SCLT1: variants seen among roughly 807,000 people sequenced by gnomAD.
SCLT1 encodes the protein sodium channel and clathrin linker 1.
A neutral mutation model predicts 112.8 loss-of-function variants in SCLT1; 78 were observed. The ratio of observed to expected loss-of-function variants is 0.69; its 90% CI spans 0.58 to 0.83. SCLT1 has a LOEUF of 0.83. Among genes scored for constraint, SCLT1 ranks in the 40% least tolerant of loss-of-function variants. The probability of loss-of-function intolerance (pLI) is 0.00; values close to 1 mark genes in which losing one functional copy is unlikely to be tolerated. For missense variants in SCLT1, 747 were observed against 770.4 expected, an observed-to-expected ratio of 0.97 and a Z score of 0.36; for synonymous variants, 257 against 254.7, an observed-to-expected ratio of 1.01 and a Z score of -0.09.
chr4:128,921,241 G>C (rs1735855934), intron 18 of SCLT1, among the ~76,000 whole-genome samples: 1 of 152,170 alleles, frequency 6.6e-6, no homozygotes, highest in Non-Finnish European at 1.5e-5. Context: ...GCAATTTACA[G>C]ATTCAGTGCT....
intron 12 of SCLT1, among the ~76,000 whole-genome samples, chr4:128,958,747 C>T (rs1334999628): frequency 6.6e-6 from 1 of 152,094 alleles, no homozygotes; most frequent in African/African-American, 2.4e-5. Flanking sequence ...ATTCAGATCA[C>T]AGATGAAAAT....
intron 18 of SCLT1, among the ~76,000 whole-genome samples, chr4:128,920,859 A>T (rs573175373): frequency 1.3e-5 from 2 of 152,336 alleles, no homozygotes; most frequent in South Asian, 2.1e-4. Context: ...ATAGGTAGAG[A>T]GGAAGTCAAA....
chr4:129,044,179 A>AG, intron 2 of SCLT1, 128 bp from the exon 3 acceptor site: 1 of 516,536 alleles, frequency 1.9e-6, no homozygotes, highest in Non-Finnish European at 3.5e-6. Flanking sequence ...TCAAAATGAG[A>AG]GAAAAAAATA....
chr4:128,904,432 TTA>T (rs1734542743), intron 18 of SCLT1, among the ~76,000 whole-genome samples: 1 of 152,154 alleles, frequency 6.6e-6, no homozygotes, highest in Admixed American at 6.5e-5. Context: ...ATGAAGCAAT[TTA>T]TGTTGTATGT....
At chr4:129,035,951 A>G (rs1397277084) in intron 5 of SCLT1, among the ~76,000 whole-genome samples, 1 of 152,046 alleles carries the variant, frequency 6.6e-6, no homozygotes, top group Non-Finnish European at 1.5e-5. Flanking sequence ...AAATGTAAGT[A>G]TTAAAATTTT....
intron 2 of SCLT1, among the ~76,000 whole-genome samples, chr4:129,078,389 A>G (rs1751643881): frequency 6.6e-6 from 1 of 152,168 alleles, no homozygotes; most frequent in Admixed American, 6.6e-5. Flanking sequence ...CTTTAAAATA[A>G]AAATTTTTTT....
intron 18 of SCLT1, among the ~76,000 whole-genome samples, chr4:128,927,286 G>T (rs1412680532): frequency 2.6e-5 from 4 of 151,934 alleles, no homozygotes; most frequent in Non-Finnish European, 5.9e-5. Context: ...ATAAATATTA[G>T]AAAATAATTT....
intron 9 of SCLT1, among the ~76,000 whole-genome samples, chr4:128,979,432 C>T (rs559832142): frequency 6.6e-5 from 10 of 152,244 alleles, no homozygotes; most frequent in Middle Eastern, 3.4e-3. Flanking sequence ...CCTTTTACTT[C>T]GTGAAGACAA....
At chr4:129,078,570 A>G (rs928919455) in intron 2 of SCLT1, among the ~76,000 whole-genome samples, 5 of 152,038 alleles carry the variant, frequency 3.3e-5, no homozygotes, top group Non-Finnish European at 7.4e-5. Context: ...TAATATGGTT[A>G]TAACAGCAAA....
chr4:129,039,360 G>T (rs750493671), intron 4 of SCLT1: 11 of 317,194 alleles, frequency 3.5e-5, no homozygotes, highest in African/African-American at 2.4e-4. Flanking sequence ...TAATTCCTAT[G>T]ACTTGTAGTT....
At position 128,915,182 on chromosome 4, in the gene SCLT1, C is replaced by T. The variant is rs117330900; in HGVS notation, c.1829+21473G>A. Among the ~76,000 whole-genome samples, 40 of 152,196 alleles carry T rather than the reference C, an allele frequency of 2.6e-4. No homozygotes were observed. In the East Asian group the frequency reaches 5.4e-3, roughly 21 times the overall value. ...AATAGTTATGTTCATATATAGATAC[C>T]GATTCAACATACTCTGCCAATAATT... is the stretch of plus-strand genomic sequence containing the variant. On this transcript the variant is annotated intron_variant, in intron 18 of 20. Coordinates refer to ENST00000281142, the MANE Select transcript of SCLT1 (RefSeq NM_144643.4).
At chr4:129,018,758 A>AT (rs924042285) in intron 5 of SCLT1, among the ~76,000 whole-genome samples, 5 of 152,128 alleles carry the variant, frequency 3.3e-5, no homozygotes, top group African/African-American at 1.2e-4. Flanking sequence ...TAAAGTATGT[A>AT]TTTTTTATGA....
chr4:128,942,422 G>A (rs1009015475), intron 17 of SCLT1, among the ~76,000 whole-genome samples: 4 of 152,108 alleles, frequency 2.6e-5, no homozygotes, highest in Non-Finnish European at 1.5e-5. Context: ...AGATGTTGAT[G>A]AAGATTGTGT....
At chr4:128,963,875 T>A (rs1029271777) in intron 11 of SCLT1, among the ~76,000 whole-genome samples, 1 of 152,192 alleles carries the variant, frequency 6.6e-6, no homozygotes. Context: ...ATAGTCATTG[T>A]GTCAAATGAA....
chr4:128,999,726 G>A lies in SCLT1; in HGVS notation c.495C>T (p.Tyr165=), dbSNP rs150891139. ...SQELDRLHKL[Y]QEHMTEAQIH... is the part of the protein sequence containing the mutation. ...TCTGGGCCTCAGTCATATGTTCCTG[G>A]TAAAGCTTGTGTAGTCTGTCCAACT... The change falls in exon 7 of 21, where the codon TAC becomes TAT. Residue 165 remains tyrosine (Y), a synonymous_variant. Transcript: ENST00000281142. 5 of 1,607,156 alleles carry A rather than the reference G, an allele frequency of 3.1e-6. No homozygotes were observed. Among genetic ancestry groups the A allele is most frequent in the Non-Finnish European group, 4.3e-6 (5 of 1,175,128 alleles).
rs200265959 is a variant in SCLT1, at chr4:128,943,083, T to C, written c.1545A>G (p.Lys515=). The change falls in exon 17 of 21, where the codon AAA becomes AAG. Residue 515 remains lysine (K), a synonymous_variant. Transcript: ENST00000281142. ...NCGLVSEQRL[K]LQQENKQLRK... ...GTAACTGTTTATTTTCTTGCTGAAG[T>C]TTTAGCCTTTGTTCACTGACAAGCC... The C allele has an allele frequency of 5.0e-5, 81 of 1,613,196 alleles. No individual in the cohort carries two copies. The East Asian group carries it at 1.7e-3, about 34-fold the overall frequency.
chr4:129,067,696 G>C (rs993819573), intron 2 of SCLT1, among the ~76,000 whole-genome samples: 4 of 152,018 alleles, frequency 2.6e-5, no homozygotes, highest in Non-Finnish European at 5.9e-5. Context: ...ATTTTTAGTA[G>C]AGATGGGGTT....
chr4:128,900,710 C>G (rs1734208242), intron 18 of SCLT1, among the ~76,000 whole-genome samples: 1 of 152,092 alleles, frequency 6.6e-6, no homozygotes, highest in South Asian at 2.1e-4. Context: ...TTCTGCACAG[C>G]AAAAGAAACT....
intron 13 of SCLT1, among the ~76,000 whole-genome samples, chr4:128,953,492 T>C (rs922690717): frequency 2.0e-5 from 3 of 152,158 alleles, no homozygotes; most frequent in South Asian, 2.1e-4. Context: ...CTCTGAACAA[T>C]ATTTTTGAGA....
Sources: allele counts gnomAD v4.1 joint callset (sites outside exome capture counted in the v4.1 genomes callset), GRCh38; gene constraint gnomAD v4.1.1; transcripts MANE v1.5; gene names NCBI Gene and HGNC (gene_info 2026-07-23, HGNC 2026-07-21).